ATP6V0A1: variants seen among roughly 807,000 people sequenced by gnomAD.
ATP6V0A1 encodes ATPase H+ transporting V0 subunit a1.
Under a neutral mutation model 105.4 loss-of-function variants are expected in ATP6V0A1, and 43 were observed. The observed-to-expected ratio is 0.41, with a 90% confidence interval of 0.32 to 0.53. ATP6V0A1 has a LOEUF of 0.53. Ranked by LOEUF, ATP6V0A1 falls within the 20% of genes least tolerant of loss-of-function variation. ATP6V0A1 has a pLI of 0.30. For synonymous variants in ATP6V0A1, 362 were observed against 372.8 expected, an observed-to-expected ratio of 0.97 and a Z score of 0.33; for missense variants, 676 against 1,051.1, an observed-to-expected ratio of 0.64 and a Z score of 4.93.
chr17:42,494,073 T>C (rs1312500730), intron 11 of ATP6V0A1, among the ~76,000 whole-genome samples: 2 of 152,078 alleles, frequency 1.3e-5, no homozygotes, highest in East Asian at 3.9e-4. Context: ...TGAAACCCTG[T>C]CTCTACTAAA....
At chr17:42,466,337 A>G (rs970396638) in intron 2 of ATP6V0A1, 92 bp from the exon 3 acceptor site, 5 of 1,113,568 alleles carry the variant, frequency 4.5e-6, no homozygotes, top group African/African-American at 3.1e-5. Flanking sequence ...TTGACAGAAA[A>G]TTAGTTTTTC....
chr17:42,477,996 T>A (rs1251968217), intron 6 of ATP6V0A1, among the ~76,000 whole-genome samples: 1 of 151,984 alleles, frequency 6.6e-6, no homozygotes, highest in East Asian at 1.9e-4. Context: ...ATTAAGAAAG[T>A]GTGGCACATA....
chr17:42,507,249 A>G, intron 17 of ATP6V0A1: 1 of 343,858 alleles, frequency 2.9e-6, no homozygotes, highest in African/African-American at 2.1e-5. Context: ...GACCCAGGTG[A>G]GGCTGGTGCC....
Position 42,499,761 on chromosome 17 carries a change from C to T in ATP6V0A1, c.1679+719C>T, listed in dbSNP as rs191052283. Among the ~76,000 whole-genome samples the T allele has an allele frequency of 3.7e-3, 557 of 149,458 alleles. 6 individuals are homozygous for T. Among genetic ancestry groups the T allele is most frequent in the African/African-American group, 0.013 (532 of 40,404 alleles). On this transcript the variant is annotated intron_variant, in intron 15 of 21. Coordinates refer to ENST00000343619, the MANE Select transcript of ATP6V0A1 (RefSeq NM_001130021.3). ...CAAGATAACACCACTGCACTCCAGT[C>T]GGGGTGACAGAGCAAGACTCCATCT...
chr17:42,506,901 A>T (rs761290541), intron 17 of ATP6V0A1, among the ~76,000 whole-genome samples: 1 of 152,204 alleles, frequency 6.6e-6, no homozygotes, highest in Admixed American at 6.5e-5. Context: ...GCTGAAGAAA[A>T]GGAGCCCCTA....
chr17:42,520,613 A>G (rs891940078), intron 21 of ATP6V0A1: 3 of 457,826 alleles, frequency 6.6e-6, no homozygotes, highest in African/African-American at 2.0e-5. Flanking sequence ...AAAAATAACA[A>G]GCAAACAGAG....
At position 42,501,320 on chromosome 17, in the gene ATP6V0A1, T is replaced by C; in HGVS notation, c.2004+16T>C. The C allele has an allele frequency of 6.3e-7, 1 of 1,587,454 alleles. No individual in the cohort carries two copies. The highest frequency in any genetic ancestry group is 8.6e-7 in the Non-Finnish European group (1 of 1,158,566). ...AAAGCATTTGGTAGGTGTATTTCTATTGCTAAAAGTTACTAGACTTTTGTT... is the reference window on the plus strand; with the variant it reads ...AAAGCATTTGGTAGGTGTATTTCTACTGCTAAAAGTTACTAGACTTTTGTT... On this transcript the variant is annotated intron_variant, in intron 17 of 21. Transcript: ENST00000343619.
intron 19 of ATP6V0A1, among the ~76,000 whole-genome samples, chr17:42,513,157 G>A (rs2092432289): frequency 6.6e-6 from 1 of 152,146 alleles, no homozygotes; most frequent in African/African-American, 2.4e-5. Context: ...ACAAGAAACT[G>A]GAGATATGCT....
chr17:42,521,081 C>T lies in ATP6V0A1; in HGVS notation c.2475C>T (p.Phe825=). 1 of 1,610,438 alleles carries T rather than the reference C, an allele frequency of 6.2e-7. No homozygotes were observed. The highest frequency in any genetic ancestry group is 1.7e-4 in the Middle Eastern group (1 of 6,048). ...GGACCGGTTTCAAGTTCTTACCCTT[C>T]TCCTTCGAGCATATTCGGGAAGGGA... ...YSGTGFKFLP[F]SFEHIREGKF... Residue 825 remains phenylalanine (F), a synonymous_variant, in exon 22 of 22, where the codon TTC becomes TTT. Transcript: ENST00000343619. The surrounding 1 kb of genome is among the most constrained non-coding windows in gnomAD (Gnocchi z 4.8).
At position 42,460,965 on chromosome 17, in the gene ATP6V0A1, G is replaced by A; in HGVS notation, c.71G>A (p.Cys24Tyr). Residue 24 changes from cysteine to tyrosine, a missense_variant, in exon 2 of 22, where the codon TGT (cysteine) becomes TAT (tyrosine). By Grantham distance (194) the Cys-to-Tyr change is radical. This residue lies in a region of ATP6V0A1 where 239 missense variants were observed against 388.4 expected (regional missense o/e 0.62). Transcript: ENST00000343619. The part of the protein sequence containing the change: ...QLFLQSEAAY[C>Y]CVSELGELGK... ...TTTCTACAGTCAGAGGCTGCTTATT[G>A]TTGTGTCAGTGAATTAGGAGAACTT... 1 of 1,614,074 alleles carries A rather than the reference G, an allele frequency of 6.2e-7. No homozygotes were observed. Among genetic ancestry groups the A allele is most frequent in the Non-Finnish European group, 8.5e-7 (1 of 1,179,966 alleles).
At chr17:42,501,427 T>G (rs1028716174) in intron 17 of ATP6V0A1, 123 bp downstream of exon 17, 2 of 821,714 alleles carry the variant, frequency 2.4e-6, no homozygotes, top group Non-Finnish European at 3.7e-6. Context: ...TTCTTTTTCT[T>G]TTTTTGAGAC....
At chr17:42,473,399 ATGAG>A (rs1163299432) in intron 5 of ATP6V0A1, among the ~76,000 whole-genome samples, 3 of 152,240 alleles carry the variant, frequency 2.0e-5, no homozygotes, top group African/African-American at 7.2e-5. Flanking sequence ...GAGACACAAG[ATGAG>A]TAAGACATGG....
chr17:42,494,233 C>CA (rs368586952), intron 11 of ATP6V0A1, 101 bp from the exon 12 acceptor site: 85,188 of 907,312 alleles, frequency 0.094, no homozygotes, highest in South Asian at 0.1. Flanking sequence ...GACTCCATCT[C>CA]AAAAAAAAAA....
At chr17:42,509,964 G>A (rs1048315251) in intron 19 of ATP6V0A1, 4 of 152,188 alleles carry the variant, frequency 2.6e-5, no homozygotes, top group African/African-American at 9.7e-5. Context: ...TTTATCTAAT[G>A]ATTTCAAACC....
In ATP6V0A1 at chr17:42,468,124, A is replaced by G. The variant is rs1240533172; in HGVS notation, c.294+17A>G. Reference sequence around the variant, plus strand: ...GACTTAGAGGTAAACACTTCTGGGAAAACCAGAAAAGTTTCTTTCTACTTG... The same window carrying G: ...GACTTAGAGGTAAACACTTCTGGGAGAACCAGAAAAGTTTCTTTCTACTTG... On this transcript the variant is annotated intron_variant, in intron 4 of 21. Coordinates refer to ENST00000343619, the MANE Select transcript of ATP6V0A1 (RefSeq NM_001130021.3). 2 of 1,510,110 alleles carry G rather than the reference A, an allele frequency of 1.3e-6. No individual in the cohort carries two copies. Among genetic ancestry groups the G allele is most frequent in the African/African-American group, 2.8e-5 (2 of 71,320 alleles). 93.5% of individuals were successfully genotyped at this position (1,510,110 alleles called of 1,614,324 possible). A position where few individuals can be genotyped will look rare whatever the true frequency, so the allele number is the denominator to read the frequency against.
At chr17:42,469,375 G>T (rs1246886437) in intron 4 of ATP6V0A1, among the ~76,000 whole-genome samples, 1 of 131,408 alleles carries the variant, frequency 7.6e-6, no homozygotes. Flanking sequence ...CTCTCACCCA[G>T]CCTGGAGTGC....
intron 19 of ATP6V0A1, among the ~76,000 whole-genome samples, chr17:42,512,529 T>C (rs569436092): frequency 2.2e-4 from 34 of 152,262 alleles, no homozygotes; most frequent in African/African-American, 6.7e-4. Flanking sequence ...ACCCTAGTTT[T>C]CAGGGTAAGT....
chr17:42,494,509 T>G, intron 12 of ATP6V0A1, 36 bp downstream of exon 12: 1 of 1,566,152 alleles, frequency 6.4e-7, no homozygotes. Flanking sequence ...GAACTGAAAT[T>G]TTATAATTTC....
At chr17:42,507,301 G>A (rs2092089493) in intron 17 of ATP6V0A1, 1 of 490,850 alleles carries the variant, frequency 2.0e-6, no homozygotes, top group African/African-American at 2.0e-5. Context: ...CTCTGAAGCA[G>A]GGTAAGGTGG....
Sources: gnomAD v4.1 joint callset for allele counts (sites outside exome capture counted in the v4.1 genomes callset) on GRCh38, gnomAD v4.1.1 for gene constraint, gnomAD v4.1.1 regional missense constraint, Gnocchi (gnomAD v3.1) non-coding constraint, MANE v1.5 for transcripts, NCBI Gene and HGNC (gene_info 2026-07-23, HGNC 2026-07-21) for gene names.